Variants in ATP10B observed in about 807,000 individuals in gnomAD.
The protein encoded by ATP10B is phospholipid-transporting ATPase VB.
In ATP10B, 122 loss-of-function variants were observed where a neutral mutation model predicts 141.2. The observed-to-expected ratio is 0.86, with a 90% CI of 0.75 to 1.00. The LOEUF (loss-of-function observed/expected upper bound fraction) is 1.00. Among genes scored for constraint, ATP10B ranks in the 50% least tolerant of loss-of-function variants. The pLI is 0.00. For missense variants in ATP10B, 1,876 were observed against 1,825.3 expected, an observed-to-expected ratio of 1.03 and a Z score of -0.51; for synonymous variants, 685 against 692.0, an observed-to-expected ratio of 0.99 and a Z score of 0.16.
intron 6 of ATP10B, chr5:160,684,905 C>A (rs922015181): frequency 1.4e-6 from 1 of 703,328 alleles, no homozygotes; most frequent in Non-Finnish European, 2.6e-6. Context: ...TCTTCCCAAG[C>A]GTCCTTGATG....
At chr5:160,897,154 A>G in the ATP10B span, among the ~76,000 whole-genome samples, 1 of 152,176 alleles carries the variant, frequency 6.6e-6, no homozygotes, top group Non-Finnish European at 1.5e-5. Flanking sequence ...GCCCTTTCTC[A>G]CCACTCCTAT....
chr5:160,922,826 T>A, the ATP10B span, among the ~76,000 whole-genome samples: 1 of 152,150 alleles, frequency 6.6e-6, no homozygotes, highest in South Asian at 2.1e-4. Context: ...CGGGCTTATA[T>A]CCTAATGGGG....
In ATP10B at chr5:160,612,749, C is replaced by T. The variant is rs200879880; in HGVS notation, c.2830G>A (p.Glu944Lys). 6.9e-5 allele frequency: 112 copies of T among 1,613,048 alleles called. 1 individual carries two copies. The highest frequency in any genetic ancestry group is 9.2e-5 in the Non-Finnish European group (108 of 1,179,520). ...QTDTVYTINT[E>K]NQETCESILN... The stretch of plus-strand genomic sequence containing the variant: ...ACAGAGAATCACCTCACCTGATTCT[C>T]TGTATTGATGGTATAAACAGTGTCG... Residue 944 changes from glutamate to lysine, a missense_variant, in exon 18 of 26, where the codon GAG (glutamate) becomes AAG (lysine). Glu to Lys is a moderately conservative substitution (Grantham distance 56). Transcript: ENST00000327245.
At chr5:160,915,991 CTT>C in the ATP10B span, among the ~76,000 whole-genome samples, 1 of 152,200 alleles carries the variant, frequency 6.6e-6, no homozygotes, top group African/African-American at 2.4e-5. Flanking sequence ...AGAGGGGACT[CTT>C]CACTTCCTAG....
intron 14 of ATP10B, among the ~76,000 whole-genome samples, chr5:160,622,144 C>A (rs1758380926): frequency 1.3e-5 from 2 of 152,208 alleles, no homozygotes; most frequent in South Asian, 4.1e-4. Flanking sequence ...TGTCTACCTG[C>A]AGACACATAG....
intron 6 of ATP10B, among the ~76,000 whole-genome samples, chr5:160,684,238 A>G (rs1322796517): frequency 6.6e-6 from 1 of 152,244 alleles, no homozygotes; most frequent in African/African-American, 2.4e-5. Context: ...ATGCAATTTC[A>G]GCTTGCATTT....
chr5:160,565,650 C>T lies in ATP10B; in HGVS notation c.4189G>A (p.Val1397Ile), dbSNP rs543140220. 6.2e-7 allele frequency: 1 copy of T among 1,614,114 alleles called. No homozygotes were observed. The highest frequency in any genetic ancestry group is 8.5e-7 in the Non-Finnish European group (1 of 1,179,986). ...PPKRKHVEESVLHEQRCGTEC... is the reference protein window; with the variant it reads ...PPKRKHVEESILHEQRCGTEC... The stretch of plus-strand genomic sequence containing the variant: ...GTGCCACATCTCTGTTCGTGGAGTA[C>T]TGACTCTTCCACATGCTTCCTCTTG... The change falls in exon 26 of 26, where the codon GTA (valine) becomes ATA (isoleucine). Residue 1397 changes from valine to isoleucine, a missense_variant. Transcript: ENST00000327245.
intron 3 of ATP10B, among the ~76,000 whole-genome samples, chr5:160,701,356 A>C (rs893021434): frequency 2.0e-5 from 3 of 152,118 alleles, no homozygotes; most frequent in Non-Finnish European, 4.4e-5. Context: ...TAAGGAAATT[A>C]TTTTGTGTCC....
intron 1 of ATP10B, among the ~76,000 whole-genome samples, chr5:160,801,296 G>A (rs1772355817): frequency 6.6e-6 from 1 of 152,136 alleles, no homozygotes; most frequent in Non-Finnish European, 1.5e-5. Context: ...TATTGATCCT[G>A]CAGTGCCTTT....
At chr5:160,860,577 T>C in the ATP10B span, among the ~76,000 whole-genome samples, 1 of 151,968 alleles carries the variant, frequency 6.6e-6, no homozygotes. Flanking sequence ...GAAGAAACTT[T>C]ATACTAAACA....
chr5:160,924,327 C>A, the ATP10B span, among the ~76,000 whole-genome samples: 6 of 152,160 alleles, frequency 3.9e-5, no homozygotes, highest in Non-Finnish European at 7.3e-5. Flanking sequence ...GCCCCTGGGC[C>A]AACTTTGTGT....
chr5:160,833,915 T>C (rs1384375062), intron 1 of ATP10B, among the ~76,000 whole-genome samples: 1 of 152,174 alleles, frequency 6.6e-6, no homozygotes, highest in Non-Finnish European at 1.5e-5. Flanking sequence ...CTCAACTTTA[T>C]GGGAAAACTT....
At chr5:160,627,496 A>T (rs2127656808) in intron 13 of ATP10B, among the ~76,000 whole-genome samples, 1 of 152,340 alleles carries the variant, frequency 6.6e-6, no homozygotes, top group African/African-American at 2.4e-5. Flanking sequence ...GGTGGGAAGA[A>T]GCAGGCCCTT....
intron 3 of ATP10B, among the ~76,000 whole-genome samples, chr5:160,714,887 G>T (rs1228176098): frequency 6.8e-6 from 1 of 147,078 alleles, no homozygotes; most frequent in Non-Finnish European, 1.5e-5. Flanking sequence ...TGAGGTGTCA[G>T]TGTGGCCCTG....
intron 13 of ATP10B, among the ~76,000 whole-genome samples, chr5:160,626,567 A>G (rs976236497): frequency 2.6e-4 from 39 of 152,226 alleles, no homozygotes; most frequent in African/African-American, 9.4e-4. Flanking sequence ...GCCTGATGCC[A>G]AAGTCTAAAC....
chr5:160,798,636 AGAACTGT>A (rs1490065262), intron 1 of ATP10B, among the ~76,000 whole-genome samples: 1 of 152,206 alleles, frequency 6.6e-6, no homozygotes, highest in Non-Finnish European at 1.5e-5. Context: ...TCTAACTGCC[AGAACTGT>A]GAACAAATAC....
At chr5:160,573,165 A>G (rs968205980) in intron 24 of ATP10B, among the ~76,000 whole-genome samples, 1 of 152,210 alleles carries the variant, frequency 6.6e-6, no homozygotes. Flanking sequence ...GCCCCCATGA[A>G]TGTGATTAGT....
At chr5:160,757,511 T>C (rs1322894126) in intron 2 of ATP10B, among the ~76,000 whole-genome samples, 2 of 152,218 alleles carry the variant, frequency 1.3e-5, no homozygotes, top group Non-Finnish European at 2.9e-5. Context: ...TCCCAGTGAA[T>C]AGATTGAAAG....
In ATP10B at chr5:160,661,489, T is replaced by C. The variant is rs115398968; in HGVS notation, c.675+8974A>G. Among the ~76,000 whole-genome samples the C allele has an allele frequency of 2.8e-3, 421 of 152,272 alleles. 2 individuals are homozygous for C. Among genetic ancestry groups the C allele is most frequent in the Middle Eastern group, 0.01 (3 of 294 alleles). On this transcript the variant is annotated intron_variant, in intron 7 of 25. Transcript: ENST00000327245. The stretch of plus-strand genomic sequence containing the variant: ...CCTATCCTTCAGAGATAGTAAAATA[T>C]TTACAGTGAAATGAAATATTGAAGA...
Sources: gnomAD v4.1 joint callset for allele counts (sites outside exome capture counted in the v4.1 genomes callset) on GRCh38, gnomAD v4.1.1 for gene constraint, MANE v1.5 for transcripts, NCBI Gene and HGNC (gene_info 2026-07-23, HGNC 2026-07-21) for gene names.